The following L3MBTL4 variants were observed in gnomAD, a reference collection of about 807,000 sequenced individuals.
L3MBTL4 encodes L3MBTL histone methyl-lysine binding protein 4, also known as lethal(3)malignant brain tumor-like protein 4.
A neutral mutation model predicts 84.5 loss-of-function variants in L3MBTL4; 70 were observed. That is an observed-to-expected ratio of 0.83 (90% CI 0.68 to 1.01). The LOEUF is 1.01. Among genes scored for constraint, L3MBTL4 ranks in the 50% least tolerant of loss-of-function variants. The probability of loss-of-function intolerance (pLI) is 0.00; values close to 1 mark genes in which losing one functional copy is unlikely to be tolerated. For synonymous variants in L3MBTL4, 274 were observed against 259.8 expected (o/e 1.05, Z -0.52); for missense variants, 715 against 754.8 (o/e 0.95, Z 0.62).
At chr18:6,016,885 C>T (rs2055008943) in intron 16 of L3MBTL4, among the ~76,000 whole-genome samples, 2 of 152,128 alleles carry the variant, frequency 1.3e-5, no homozygotes, top group Admixed American at 6.5e-5. Context: ...AGAAAAGACG[C>T]TGTGGAGAGA....
At chr18:6,370,672 C>T (rs867298192) in intron 1 of L3MBTL4, among the ~76,000 whole-genome samples, 4 of 152,052 alleles carry the variant, frequency 2.6e-5, no homozygotes, top group South Asian at 2.1e-4. Flanking sequence ...AAAGGTTTGG[C>T]GGTGGTGAAG....
At chr18:6,026,354 C>T (rs986166732) in intron 16 of L3MBTL4, among the ~76,000 whole-genome samples, 58 of 152,134 alleles carry the variant, frequency 3.8e-4, no homozygotes, top group Admixed American at 3.7e-3. Flanking sequence ...TTTTACAATG[C>T]CAGTGTCTTA....
intron 1 of L3MBTL4, among the ~76,000 whole-genome samples, chr18:6,333,831 C>T (rs1354507126): frequency 6.6e-6 from 1 of 152,124 alleles, no homozygotes; most frequent in African/African-American, 2.4e-5. Context: ...CCCCGTAACC[C>T]TCAAATATCA....
At position 6,238,793 on chromosome 18, in the gene L3MBTL4, G is replaced by A. The variant is rs762805931; in HGVS notation, c.708-753C>T. 1.1e-4 allele frequency among the ~76,000 whole-genome samples: 16 copies of A among 152,194 alleles called. 1 individual carries two copies. In the Middle Eastern group the frequency reaches 0.01, roughly 97 times the overall value. ...CTTTGCCTCTGAGTTCAAAGGAGAA[G>A]ACAGGGCCCATCAGGCACATAAAGA... On this transcript the variant is annotated intron_variant, in intron 9 of 18. Coordinates refer to ENST00000317931, the MANE Select transcript of L3MBTL4 (RefSeq NM_001330559.2).
At chr18:6,074,076 G>A (rs952784183) in intron 16 of L3MBTL4, among the ~76,000 whole-genome samples, 1 of 151,834 alleles carries the variant, frequency 6.6e-6, no homozygotes, top group Non-Finnish European at 1.5e-5. Flanking sequence ...TGTTTGTTTT[G>A]TTTTTTTGTT....
intron 16 of L3MBTL4, among the ~76,000 whole-genome samples, chr18:5,971,638 G>A (rs2144828001): frequency 6.6e-6 from 1 of 152,258 alleles, no homozygotes; most frequent in Middle Eastern, 3.4e-3. Context: ...AAGAAAAAAA[G>A]ACACACAAAA....
At chr18:6,298,107 T>C (rs141344864) in intron 4 of L3MBTL4, among the ~76,000 whole-genome samples, 7 of 152,346 alleles carry the variant, frequency 4.6e-5, no homozygotes, top group Non-Finnish European at 1.0e-4. Context: ...ACTGTCGGTA[T>C]GTCCTCCAAA....
At chr18:6,049,486 G>A (rs2056763453) in intron 16 of L3MBTL4, among the ~76,000 whole-genome samples, 1 of 152,062 alleles carries the variant, frequency 6.6e-6, no homozygotes, top group African/African-American at 2.4e-5. Context: ...CATCAACAGT[G>A]GATTGGATAA....
chr18:6,005,886 T>G (rs182342718), intron 16 of L3MBTL4, among the ~76,000 whole-genome samples: 3 of 152,316 alleles, frequency 2.0e-5, no homozygotes, highest in African/African-American at 7.2e-5. Flanking sequence ...AAAGTAATTA[T>G]GTTTTAAGCT....
Position 6,307,562 on chromosome 18 carries a change from G to A in L3MBTL4, c.72+3992C>T, listed in dbSNP as rs141106516. Reference sequence around the variant, plus strand: ...ATCTTAGATATTCTTCATCCTTCAAGGTCAGACTCAAGCTCCCGATGACTC... The same window carrying A: ...ATCTTAGATATTCTTCATCCTTCAAAGTCAGACTCAAGCTCCCGATGACTC... On this transcript the variant is annotated intron_variant, in intron 3 of 18. Coordinates refer to ENST00000317931, the MANE Select transcript of L3MBTL4 (RefSeq NM_001330559.2). Among the ~76,000 whole-genome samples, 1,057 of 152,188 alleles carry A rather than the reference G, an allele frequency of 6.9e-3. 17 individuals are homozygous for A. Among genetic ancestry groups the A allele is most frequent in the African/African-American group, 0.024 (998 of 41,502 alleles).
chr18:6,279,371 C>A (rs564329095), intron 4 of L3MBTL4, among the ~76,000 whole-genome samples: 24 of 152,164 alleles, frequency 1.6e-4, no homozygotes, highest in African/African-American at 5.8e-4. Flanking sequence ...ATAGTCAACA[C>A]CTCACTTGAA....
At chr18:6,215,323 GTTTAC>G (rs924917406) in intron 11 of L3MBTL4, among the ~76,000 whole-genome samples, 8 of 152,088 alleles carry the variant, frequency 5.3e-5, no homozygotes, top group Non-Finnish European at 1.0e-4. Flanking sequence ...TGAAAGAAAG[GTTTAC>G]CTCAAAATAT....
chr18:6,066,418 G>A (rs1201448644), intron 16 of L3MBTL4, among the ~76,000 whole-genome samples: 2 of 152,198 alleles, frequency 1.3e-5, no homozygotes, highest in Middle Eastern at 3.4e-3. Flanking sequence ...TTGAGTTTCT[G>A]TCTTGATGAT....
intron 1 of L3MBTL4, among the ~76,000 whole-genome samples, chr18:6,345,478 TA>T (rs1187814746): frequency 6.6e-6 from 1 of 151,750 alleles, no homozygotes; most frequent in African/African-American, 2.4e-5. Flanking sequence ...AAAAATTCGG[TA>T]AATTTGCAGA....
At chr18:6,361,115 T>C (rs1193001014) in intron 1 of L3MBTL4, among the ~76,000 whole-genome samples, 2 of 151,020 alleles carry the variant, frequency 1.3e-5, no homozygotes, top group Admixed American at 1.3e-4. Context: ...GCAGCAGCAA[T>C]AGTAACAGGC....
At chr18:6,134,935 C>T (rs750204163) in intron 14 of L3MBTL4, among the ~76,000 whole-genome samples, 1 of 152,222 alleles carries the variant, frequency 6.6e-6, no homozygotes, top group Non-Finnish European at 1.5e-5. Context: ...CCACATTTCC[C>T]TTCCACACTG....
chr18:6,021,771 G>C (rs1359418657), intron 16 of L3MBTL4, among the ~76,000 whole-genome samples: 4 of 152,210 alleles, frequency 2.6e-5, no homozygotes, highest in Admixed American at 2.0e-4. Flanking sequence ...AGCGGGGTGG[G>C]GGGGTGGCGG....
intron 4 of L3MBTL4, among the ~76,000 whole-genome samples, chr18:6,298,835 T>C (rs977649062): frequency 2.6e-5 from 4 of 151,898 alleles, no homozygotes; most frequent in African/African-American, 7.3e-5. Flanking sequence ...GATTGCGCCA[T>C]TGCACTCCAG....
In L3MBTL4 at chr18:5,969,410, G is replaced by A. The variant is rs750618760; in HGVS notation, c.1597C>T (p.Arg533Cys). 1.2e-5 allele frequency: 19 copies of A among 1,613,804 alleles called. No individual in the cohort carries two copies. The highest frequency in any genetic ancestry group is 5.5e-5 in the South Asian group (5 of 91,084). The change falls in exon 17 of 19, where the codon CGT (arginine) becomes TGT (cysteine). Residue 533 changes from arginine to cysteine, a missense_variant. By Grantham distance (180) the Arg-to-Cys change is radical. Coordinates refer to ENST00000317931, the MANE Select transcript of L3MBTL4 (RefSeq NM_001330559.2). The part of the protein sequence containing the change: ...VADIRASQVA[R>C]WTVDEVAEFV... ...CCACTCACCTCATCCACAGTCCAAC[G>A]TGCCACTTGGCTGGCCCGGATGTCA...
Sources: allele counts gnomAD v4.1 joint callset (sites outside exome capture counted in the v4.1 genomes callset), GRCh38; gene constraint gnomAD v4.1.1; transcripts MANE v1.5; gene names NCBI Gene and HGNC (gene_info 2026-07-23, HGNC 2026-07-21).